The following CNGA1 variants were observed in gnomAD, a reference collection of about 807,000 sequenced individuals.
CNGA1 encodes the protein cyclic nucleotide gated channel subunit alpha 1, also known as cyclic nucleotide-gated channel alpha-1.
Under a neutral mutation model 69.7 loss-of-function variants are expected in CNGA1, and 53 were observed. The observed-to-expected ratio is 0.76, with a 90% CI of 0.61 to 0.96. The LOEUF is 0.96. CNGA1 is among the 40% of genes least tolerant of loss of function. The probability of loss-of-function intolerance (pLI) is 0.00; values close to 1 mark genes in which losing one functional copy is unlikely to be tolerated. For synonymous variants in CNGA1, 249 were observed against 283.5 expected (o/e 0.88, Z 1.22); for missense variants, 739 against 811.2 (o/e 0.91, Z 1.08).
In CNGA1 at chr4:47,970,101, T is replaced by C. The variant is rs112911095; in HGVS notation, c.-15+11292A>G. On this transcript the variant is annotated intron_variant, in intron 3 of 10. Coordinates refer to ENST00000514170, the MANE Select transcript of CNGA1 (RefSeq NM_001379270.1). ...AAGAGACTATTTACAAAGATGTTAG[T>C]ATAGGGAAACCACAAAGGATGGTTG... Among the ~76,000 whole-genome samples, 6 of 152,202 alleles carry C rather than the reference T, an allele frequency of 3.9e-5. 1 individual carries two copies. The highest frequency in any genetic ancestry group is 1.9e-4 in the East Asian group (1 of 5,180).
At chr4:47,967,090 G>C (rs1284055806) in intron 3 of CNGA1, among the ~76,000 whole-genome samples, 1 of 152,000 alleles carries the variant, frequency 6.6e-6, no homozygotes, top group Non-Finnish European at 1.5e-5. Context: ...ATCACTTGAG[G>C]TCAGGAGTTG....
intron 5 of CNGA1, 135 bp downstream of exon 5, chr4:47,951,218 G>A (rs1361014245): frequency 9.0e-6 from 6 of 669,230 alleles, no homozygotes; most frequent in African/African-American, 3.6e-5. Context: ...TTATTGGAAC[G>A]CTAAGCATGT....
chr4:47,954,898 C>T (rs958353691), intron 3 of CNGA1, among the ~76,000 whole-genome samples: 1 of 152,140 alleles, frequency 6.6e-6, no homozygotes, highest in African/African-American at 2.4e-5. Context: ...TCCAAAGACT[C>T]CATGGGCCCA....
At chr4:47,988,781 A>G (rs916912072) in intron 2 of CNGA1, among the ~76,000 whole-genome samples, 2 of 152,142 alleles carry the variant, frequency 1.3e-5, no homozygotes, top group Non-Finnish European at 2.9e-5. Flanking sequence ...GTGTACATTT[A>G]TTTAGTACCT....
chr4:47,956,764 G>A (rs1740115310), intron 3 of CNGA1, among the ~76,000 whole-genome samples: 1 of 152,146 alleles, frequency 6.6e-6, no homozygotes, highest in Non-Finnish European at 1.5e-5. Flanking sequence ...GAGTGTGGGA[G>A]AGGTGATAGA....
chr4:47,977,695 AG>A (rs1449541558), intron 3 of CNGA1, among the ~76,000 whole-genome samples: 1 of 152,198 alleles, frequency 6.6e-6, no homozygotes, highest in Non-Finnish European at 1.5e-5. Flanking sequence ...AACCTTATAC[AG>A]TGCCTTATAC....
chr4:47,950,909 G>A (rs1364003320), intron 5 of CNGA1, among the ~76,000 whole-genome samples: 1 of 152,146 alleles, frequency 6.6e-6, no homozygotes, highest in African/African-American at 2.4e-5. Context: ...CCTCTCACAT[G>A]TACTTGCTTC....
intron 9 of CNGA1, 40 bp downstream of exon 9, chr4:47,942,001 G>A (rs770287533): frequency 2.3e-5 from 28 of 1,222,110 alleles, no homozygotes; most frequent in Non-Finnish European, 2.8e-5. Context: ...CTAGAAATGG[G>A]GTGAGATCCA....
At chr4:47,958,777 G>A (rs1406614706) in intron 3 of CNGA1, among the ~76,000 whole-genome samples, 2 of 152,064 alleles carry the variant, frequency 1.3e-5, no homozygotes, top group African/African-American at 4.8e-5. Context: ...TGAGCTCTTC[G>A]GAAAAGTTCA....
At chr4:47,954,373 G>A (rs749566880) in intron 3 of CNGA1, among the ~76,000 whole-genome samples, 1 of 152,202 alleles carries the variant, frequency 6.6e-6, no homozygotes, top group Non-Finnish European at 1.5e-5. Flanking sequence ...ACACTCAGCT[G>A]TCCCCGGACA....
chr4:48,002,697 A>C (rs1253520984), intron 2 of CNGA1, among the ~76,000 whole-genome samples: 4 of 150,946 alleles, frequency 2.6e-5, no homozygotes, highest in African/African-American at 7.3e-5. Flanking sequence ...AAAAAAAAAA[A>C]AACAAAAACA....
intron 6 of CNGA1, among the ~76,000 whole-genome samples, chr4:47,944,116 C>T (rs1739257194): frequency 6.6e-6 from 1 of 152,146 alleles, no homozygotes; most frequent in Non-Finnish European, 1.5e-5. Context: ...CATGAATGAA[C>T]AGGCATCTTG....
chr4:48,004,766 A>G (rs947933658), intron 2 of CNGA1, among the ~76,000 whole-genome samples: 1 of 150,262 alleles, frequency 6.7e-6, no homozygotes, highest in Middle Eastern at 3.2e-3. Flanking sequence ...GTATGTAAAT[A>G]GGTTGTTGTT....
At chr4:48,007,701 T>C (rs547883552) in intron 2 of CNGA1, among the ~76,000 whole-genome samples, 2 of 152,306 alleles carry the variant, frequency 1.3e-5, no homozygotes, top group South Asian at 2.1e-4. Context: ...GTTTTTTTCC[T>C]AAGCAAATCA....
chr4:47,947,362 A>G (rs1379997641), intron 6 of CNGA1, among the ~76,000 whole-genome samples: 2 of 152,194 alleles, frequency 1.3e-5, no homozygotes, highest in Non-Finnish European at 2.9e-5. Context: ...GTATACAGTC[A>G]TCTAGTTTGT....
At chr4:47,947,742 GGGCAGTCACAAATGCCTT>G (rs948414494) in intron 6 of CNGA1, among the ~76,000 whole-genome samples, 1 of 152,156 alleles carries the variant, frequency 6.6e-6, no homozygotes, top group African/African-American at 2.4e-5. Flanking sequence ...AAGGACTCGT[GGGCAGTCACAAATGCCTT>G]GACTGGTTGG....
In CNGA1 at chr4:48,006,529, C is replaced by T. The variant is rs114057129; in HGVS notation, c.-123+4265G>A. Among the ~76,000 whole-genome samples, 798 of 152,256 alleles carry T rather than the reference C, an allele frequency of 5.2e-3. 5 individuals carry two copies. Among genetic ancestry groups the T allele is most frequent in the African/African-American group, 0.018 (750 of 41,536 alleles). On this transcript the variant is annotated intron_variant, in intron 2 of 10. Coordinates refer to ENST00000514170, the MANE Select transcript of CNGA1 (RefSeq NM_001379270.1). ...ACCATTTCTTATTTGATGGTGTTTC[C>T]TGTATAATTTTTATACCAAATAACC...
chr4:47,939,225 TTAA>T (rs1738917587), intron 10 of CNGA1, among the ~76,000 whole-genome samples: 1 of 152,102 alleles, frequency 6.6e-6, no homozygotes, highest in African/African-American at 2.4e-5. Context: ...GGAGACTGAG[TTAA>T]TAGTCCATCA....
intron 3 of CNGA1, among the ~76,000 whole-genome samples, chr4:47,960,901 G>A (rs1740399964): frequency 6.6e-6 from 1 of 152,144 alleles, no homozygotes; most frequent in Non-Finnish European, 1.5e-5. Flanking sequence ...AGTTGTCTAA[G>A]GGGGGTGAAA....
Sources: allele counts gnomAD v4.1 joint callset (sites outside exome capture counted in the v4.1 genomes callset), GRCh38; gene constraint gnomAD v4.1.1; transcripts MANE v1.5; gene names NCBI Gene and HGNC (gene_info 2026-07-23, HGNC 2026-07-21).